H2AZ2: variants seen among roughly 807,000 people sequenced by gnomAD.
H2AZ2 encodes the protein histone H2A.V.
H2AZ2 carries 5 observed loss-of-function variants against 15.5 expected under a neutral mutation model. The ratio of observed to expected loss-of-function variants is 0.32; its 90% CI spans 0.17 to 0.68. The LOEUF (loss-of-function observed/expected upper bound fraction) is 0.68, where lower values mean the gene tolerates loss of function less well. Among genes scored for constraint, H2AZ2 ranks in the 30% least tolerant of loss-of-function variants. H2AZ2 has a pLI of 0.72. For synonymous variants in H2AZ2, 44 were observed against 57.4 expected, an observed-to-expected ratio of 0.77 and a Z score of 1.05; for missense variants, 42 against 162.5, an observed-to-expected ratio of 0.26 and a Z score of 4.03.
At chr7:44,827,908 T>C (rs1792948033), downstream of H2AZ2, 1 of 152,226 alleles carries the variant, frequency 6.6e-6, no homozygotes, top group Non-Finnish European at 1.5e-5. Context: ...CTAATTTTCA[T>C]GTATCCATTT....
intron 3 of H2AZ2, among the ~76,000 whole-genome samples, chr7:44,839,764 A>T (rs1793227089): frequency 6.6e-6 from 1 of 151,990 alleles, no homozygotes; most frequent in African/African-American, 2.4e-5. Context: ...GCACTTTGGG[A>T]GGCTGAGGCA....
intron 1 of H2AZ2, among the ~76,000 whole-genome samples, chr7:44,847,215 C>T (rs1793432592): frequency 6.6e-6 from 1 of 152,128 alleles, no homozygotes; most frequent in Non-Finnish European, 1.5e-5. Context: ...CCTTTAGCAC[C>T]TTCTCTTTTC....
chr7:44,838,726 A>T (rs139085447), intron 3 of H2AZ2, among the ~76,000 whole-genome samples: 1 of 152,228 alleles, frequency 6.6e-6, no homozygotes, highest in African/African-American at 2.4e-5. Flanking sequence ...GAAACTATCC[A>T]TAACATCCAT....
Position 44,834,516 on chromosome 7 carries a change from C to T in H2AZ2, c.372G>A (p.Gln124=), listed in dbSNP as rs1453077173. The T allele has an allele frequency of 1.2e-6, 2 of 1,610,290 alleles. No individual in the cohort carries two copies. Among genetic ancestry groups the T allele is most frequent in the South Asian group, 2.2e-5 (2 of 90,762 alleles). The part of the protein sequence containing the change: ...IHKSLIGKKG[Q]QKTA ...AAGCATCCCTCTAAGCAGTTTTCTG[C>T]TGTCCCTTCTTTCCAATCAGAGATT... The change falls in exon 5 of 5, where the codon CAG becomes CAA. Residue 124 remains glutamine, a synonymous_variant. Transcript: ENST00000308153.
At chr7:44,834,784 CTTT>C (rs35455193) in intron 4 of H2AZ2, 923 of 159,032 alleles carry the variant, frequency 5.8e-3, no homozygotes, top group Middle Eastern at 0.013. Context: ...GTAACCATAG[CTTT>C]TTTTTTTTTT....
chr7:44,847,531 A>C (rs546270688), intron 1 of H2AZ2, among the ~76,000 whole-genome samples: 1 of 152,318 alleles, frequency 6.6e-6, no homozygotes, highest in East Asian at 1.9e-4. Context: ...AGAAACCCTC[A>C]AACTGACTGC....
chr7:44,838,962 T>C (rs185672287), intron 3 of H2AZ2, among the ~76,000 whole-genome samples: 1 of 152,310 alleles, frequency 6.6e-6, no homozygotes, highest in East Asian at 1.9e-4. Context: ...AGCTGAAGTT[T>C]TATGACTTCC....
At chr7:44,829,460 G>A (rs1306130494), downstream of H2AZ2, 1 of 152,252 alleles carries the variant, frequency 6.6e-6, no homozygotes, top group Non-Finnish European at 1.5e-5. Context: ...AATTAGCTGG[G>A]CATGGTGGCG....
chr7:44,833,630 C>T lies in H2AZ2; in HGVS notation c.*871G>A, dbSNP rs957177651. On this transcript the variant is annotated 3_prime_UTR_variant, in exon 5 of 5. Coordinates refer to ENST00000308153, the MANE Select transcript of H2AZ2 (RefSeq NM_012412.5). ...TCTCCCGAAGTGTTGGGATTACAGG[C>T]GTAAACCACAATGCCAGGCCAAAAA... 14 of 943,668 alleles carry T rather than the reference C, an allele frequency of 1.5e-5. No homozygotes were observed. The highest frequency in any genetic ancestry group is 1.2e-4 in the African/African-American group (7 of 56,480). 58.5% of individuals were successfully genotyped at this position (943,668 alleles called of 1,614,324 possible).
chr7:44,834,689 T>C (rs954677244), intron 4 of H2AZ2, 127 bp from the exon 5 acceptor site: 6 of 757,888 alleles, frequency 7.9e-6, no homozygotes, highest in South Asian at 4.0e-5. Context: ...AAACTATCTA[T>C]ACCAATGGCT....
At chr7:44,830,229 T>C (rs149969988), downstream of H2AZ2, 1,233 of 1,454,926 alleles carry the variant, frequency 8.5e-4, 6 homozygotes, top group African/African-American at 0.01. Flanking sequence ...GGCCATCTCA[T>C]AGATGAGCTG....
At chr7:44,846,641 A>C (rs1402514761) in intron 1 of H2AZ2, among the ~76,000 whole-genome samples, 2 of 113,954 alleles carry the variant, frequency 1.8e-5, no homozygotes, top group African/African-American at 2.7e-5. Context: ...CACAAAAAAC[A>C]AACAACAAAA....
At chr7:44,834,803 T>TG (rs1793078231) in intron 4 of H2AZ2, 1 of 343,764 alleles carries the variant, frequency 2.9e-6, no homozygotes, top group African/African-American at 2.1e-5. Context: ...TTTTTTTTTT[T>TG]TGAGATGGCC....
intron 4 of H2AZ2, chr7:44,834,864 G>T (rs548544135): frequency 7.9e-5 from 17 of 214,476 alleles, no homozygotes; most frequent in Admixed American, 7.6e-4. Context: ...GGCTCACTGC[G>T]ACCTCTGTCC....
chr7:44,833,590 T>C lies in H2AZ2; in HGVS notation c.*911A>G, dbSNP rs1177025400. 4.4e-6 allele frequency: 3 copies of C among 678,774 alleles called. No homozygotes were observed. The highest frequency in any genetic ancestry group is 3.6e-6 in the Non-Finnish European group (2 of 550,100). The allele number at this position is 678,774 out of a possible 1,614,324, so 42.0% of individuals were successfully genotyped here. On this transcript the variant is annotated 3_prime_UTR_variant, in exon 5 of 5. Coordinates refer to ENST00000308153, the MANE Select transcript of H2AZ2 (RefSeq NM_012412.5). ...GGTCTCAAACTCCTGACCTCAAGTG[T>C]TCCACCAGCCTCGGTCTCCCGAAGT... is the stretch of plus-strand genomic sequence containing the variant.
At chr7:44,842,264 A>C (rs1335890734) in intron 2 of H2AZ2, among the ~76,000 whole-genome samples, 1 of 152,194 alleles carries the variant, frequency 6.6e-6, no homozygotes, top group Non-Finnish European at 1.5e-5. Context: ...GGGGTCCACC[A>C]ACGTCCCTGT....
chr7:44,842,991 T>C (rs1438575704), intron 2 of H2AZ2, among the ~76,000 whole-genome samples: 1 of 151,470 alleles, frequency 6.6e-6, no homozygotes, highest in Non-Finnish European at 1.5e-5. Flanking sequence ...ATACAAAAAC[T>C]AGCTGGGTAT....
In H2AZ2 at chr7:44,846,024, T is replaced by TACACACACACACAC. The variant is rs10573522; in HGVS notation, c.3+1931_3+1944dup. Among the ~76,000 whole-genome samples, 1,035 of 132,678 alleles carry TACACACACACACAC rather than the reference T, an allele frequency of 7.8e-3. 4 individuals are homozygous for TACACACACACACAC. Among genetic ancestry groups the TACACACACACACAC allele is most frequent in the Non-Finnish European group, 0.011 (705 of 61,710 alleles). 87.0% of individuals were successfully genotyped at this position (132,678 alleles called of 152,430 possible). A position where few individuals can be genotyped will look rare whatever the true frequency, so the allele number is the denominator to read the frequency against. On this transcript the variant is annotated intron_variant, in intron 1 of 4. Transcript: ENST00000308153. ...GTTAAGGTTGTTGGTTTTAAAAAAT[T>TACACACACACACAC]ACACACACACACACACACACACACA... is the stretch of plus-strand genomic sequence containing the variant.
At chr7:44,847,794 C>T (rs1311216015) in intron 1 of H2AZ2, among the ~76,000 whole-genome samples, 175 bp downstream of exon 1, 1 of 152,192 alleles carries the variant, frequency 6.6e-6, no homozygotes, top group African/African-American at 2.4e-5. Flanking sequence ...CCCGGGGACC[C>T]GTGTCGGGCT....
Sources: gnomAD v4.1 joint callset for allele counts (sites outside exome capture counted in the v4.1 genomes callset) on GRCh38, gnomAD v4.1.1 for gene constraint, MANE v1.5 for transcripts, NCBI Gene and HGNC (gene_info 2026-07-23, HGNC 2026-07-21) for gene names.